PHF24: variants seen among roughly 807,000 people sequenced by gnomAD.
The protein encoded by PHF24 is Galpha inhibitory interacting protein.
PHF24 carries 25 observed loss-of-function variants against 42.6 expected under a neutral mutation model. The ratio of observed to expected loss-of-function variants is 0.59; its 90% CI spans 0.43 to 0.82. The LOEUF (loss-of-function observed/expected upper bound fraction) is 0.82. Among genes scored for constraint, PHF24 ranks in the 40% least tolerant of loss-of-function variants. The pLI is 0.00. For missense variants in PHF24, 470 were observed against 538.1 expected (o/e 0.87, Z 1.25); for synonymous variants, 185 against 204.8 (o/e 0.90, Z 0.83).
At chr9:34,925,936 A>G in the PHF24 span, among the ~76,000 whole-genome samples, 4 of 152,204 alleles carry the variant, frequency 2.6e-5, no homozygotes, top group East Asian at 5.8e-4. Flanking sequence ...AGTAGGTTTC[A>G]TAAGAAAAGA....
the PHF24 span, among the ~76,000 whole-genome samples, chr9:34,931,268 C>G: frequency 6.7e-6 from 1 of 148,646 alleles, no homozygotes; most frequent in South Asian, 2.1e-4. Flanking sequence ...CCCAGCTACT[C>G]GGGAGGCTGA....
the PHF24 span, among the ~76,000 whole-genome samples, chr9:34,802,065 T>C: frequency 6.6e-6 from 1 of 152,192 alleles, no homozygotes; most frequent in Non-Finnish European, 1.5e-5. Context: ...TCCCAGAACT[T>C]GAAGTAAAAA....
the PHF24 span, among the ~76,000 whole-genome samples, chr9:34,734,329 C>A: frequency 1.3e-5 from 2 of 152,328 alleles, no homozygotes; most frequent in East Asian, 1.9e-4. Flanking sequence ...CTGGGACTTA[C>A]AAGTACAGGG....
chr9:34,965,618 A>T (rs1826741006), intron 1 of PHF24, among the ~76,000 whole-genome samples: 1 of 152,238 alleles, frequency 6.6e-6, no homozygotes, highest in Non-Finnish European at 1.5e-5. Context: ...TTGACCATGG[A>T]GATAGCTTCA....
At chr9:34,833,218 C>A in the PHF24 span, 9 of 1,544,108 alleles carry the variant, frequency 5.8e-6, no homozygotes, top group Non-Finnish European at 7.0e-6. Flanking sequence ...GGCTTTGAGG[C>A]TCAGGGCCAC....
At chr9:34,911,009 A>G in the PHF24 span, among the ~76,000 whole-genome samples, 3 of 152,176 alleles carry the variant, frequency 2.0e-5, no homozygotes, top group South Asian at 6.2e-4. Context: ...TTTTTAGTAA[A>G]GACGAGATCT....
the PHF24 span, among the ~76,000 whole-genome samples, chr9:34,767,424 C>A: frequency 1.3e-5 from 2 of 152,268 alleles, no homozygotes; most frequent in Admixed American, 6.5e-5. Flanking sequence ...GCCCCTCCCC[C>A]AGCCTCGCTG....
At chr9:34,942,660 T>G in the PHF24 span, among the ~76,000 whole-genome samples, 2 of 152,134 alleles carry the variant, frequency 1.3e-5, no homozygotes, top group Non-Finnish European at 2.9e-5. Context: ...TGATTGGAAT[T>G]GAAAAGAATG....
the PHF24 span, among the ~76,000 whole-genome samples, chr9:34,936,049 C>T: frequency 6.6e-6 from 1 of 151,030 alleles, no homozygotes; most frequent in Non-Finnish European, 1.5e-5. Context: ...CCCGCTCCCA[C>T]CCCCTCTCCC....
In PHF24 at chr9:34,976,359, AGTT is replaced by A. The variant is rs1476885914; in HGVS notation, c.643+134_643+136del. 7 of 988,484 alleles carry A rather than the reference AGTT, an allele frequency of 7.1e-6. No homozygotes were observed. The African/African-American group carries it at 9.6e-5, about 14-fold the overall frequency. The allele number at this position is 988,484 out of a possible 1,614,324, so 61.2% of individuals were successfully genotyped here. ...GAGGGTAAATGAGTCCTTGTTCCTG[AGTT>A]GTTGGCCAGCAGAGTCACCTATCCC... is the stretch of plus-strand genomic sequence containing the variant. On this transcript the variant is annotated intron_variant, in intron 4 of 7. Transcript: ENST00000242315.
At chr9:34,892,320 A>G in the PHF24 span, among the ~76,000 whole-genome samples, 1 of 152,198 alleles carries the variant, frequency 6.6e-6, no homozygotes, top group African/African-American at 2.4e-5. Flanking sequence ...CATGAAACCC[A>G]GAGTCAAAGG....
intron 3 of PHF24, among the ~76,000 whole-genome samples, chr9:34,974,082 C>A (rs922232365): frequency 1.3e-5 from 2 of 152,172 alleles, no homozygotes; most frequent in African/African-American, 2.4e-5. Flanking sequence ...CGTAGCACTG[C>A]AGCCTTGAAC....
the PHF24 span, chr9:34,835,723 C>T: frequency 9.7e-6 from 15 of 1,550,924 alleles, no homozygotes; most frequent in Non-Finnish European, 1.3e-5. Context: ...ATCTTGTATG[C>T]CATCTGCATA....
intron 1 of PHF24, among the ~76,000 whole-genome samples, chr9:34,963,764 T>C (rs1826676178): frequency 6.6e-6 from 1 of 152,210 alleles, no homozygotes; most frequent in African/African-American, 2.4e-5. Context: ...CGTGTTCTCA[T>C]CCCTGCTAGC....
the PHF24 span, chr9:34,690,406 A>G: frequency 6.7e-7 from 1 of 1,489,090 alleles, no homozygotes; most frequent in East Asian, 2.4e-5. Context: ...CCATGGCCCT[A>G]GCTCGGATTG....
chr9:34,961,506 T>C lies in PHF24; in HGVS notation c.-5+3105T>C, dbSNP rs549564284. ...TGCCAGGCACTATGCTAGATAAATATGAGAGTTTCTTGCCCTTGAGGAGTT... is the reference window on the plus strand; with the variant it reads ...TGCCAGGCACTATGCTAGATAAATACGAGAGTTTCTTGCCCTTGAGGAGTT... On this transcript the variant is annotated intron_variant, in intron 1 of 7. Coordinates refer to ENST00000242315, the Ensembl canonical transcript of PHF24. Among the ~76,000 whole-genome samples the C allele has an allele frequency of 3.3e-5, 5 of 152,340 alleles. No homozygotes were observed. In the South Asian group the frequency reaches 1.0e-3, roughly 32 times the overall value.
At chr9:34,855,862 A>G in the PHF24 span, among the ~76,000 whole-genome samples, 1 of 152,166 alleles carries the variant, frequency 6.6e-6, no homozygotes, top group East Asian at 1.9e-4. Flanking sequence ...ATCCTGAAGC[A>G]TGTTTTCTGA....
At chr9:34,841,814 A>G in the PHF24 span, among the ~76,000 whole-genome samples, 1 of 152,200 alleles carries the variant, frequency 6.6e-6, no homozygotes, top group Non-Finnish European at 1.5e-5. Flanking sequence ...CCGAGATTGC[A>G]CCACTGCTCT....
chr9:34,960,154 T>C (rs1326997611), intron 1 of PHF24, among the ~76,000 whole-genome samples: 4 of 152,220 alleles, frequency 2.6e-5, no homozygotes, highest in Non-Finnish European at 1.5e-5. Flanking sequence ...GGATGGATTC[T>C]GGTTTCTTGT....
Sources: gnomAD v4.1 joint callset for allele counts (sites outside exome capture counted in the v4.1 genomes callset) on GRCh38, gnomAD v4.1.1 for gene constraint, MANE v1.5 for transcripts, NCBI Gene and HGNC (gene_info 2026-07-23, HGNC 2026-07-21) for gene names.